ENTREP2: variants seen among roughly 807,000 people sequenced by gnomAD.
The protein encoded by ENTREP2 is endosomal transmembrane epsin interactor 2, also known as protein ENTREP2.
chr15:29,474,770 G>A, the ENTREP2 span, among the ~76,000 whole-genome samples: 20 of 152,140 alleles, frequency 1.3e-4, no homozygotes, highest in African/African-American at 4.8e-4. Flanking sequence ...GGCCAGGCTG[G>A]TCTCGAACTC....
the ENTREP2 span, among the ~76,000 whole-genome samples, chr15:29,566,303 C>G: frequency 6.6e-6 from 1 of 151,612 alleles, no homozygotes; most frequent in South Asian, 2.1e-4. Flanking sequence ...GAACTACAGG[C>G]ACCTGCCACC....
the ENTREP2 span, among the ~76,000 whole-genome samples, chr15:29,587,373 C>T: frequency 6.6e-6 from 1 of 151,914 alleles, no homozygotes; most frequent in Non-Finnish European, 1.5e-5. Flanking sequence ...TATACTAGAG[C>T]GATGACAAAA....
chr15:29,549,628 G>A, the ENTREP2 span, among the ~76,000 whole-genome samples: 1 of 152,108 alleles, frequency 6.6e-6, no homozygotes, highest in Non-Finnish European at 1.5e-5. Context: ...GCTGTTGTTG[G>A]GGCAAAACTT....
the ENTREP2 span, among the ~76,000 whole-genome samples, chr15:29,581,360 A>G: frequency 2.6e-5 from 4 of 152,326 alleles, no homozygotes; most frequent in South Asian, 2.1e-4. Context: ...AGAGCATACC[A>G]GAAAGACATA....
chr15:29,583,383 G>GC, the ENTREP2 span, among the ~76,000 whole-genome samples: 1 of 152,128 alleles, frequency 6.6e-6, no homozygotes, highest in Admixed American at 6.6e-5. Flanking sequence ...GCAAACTAAT[G>GC]CAAGAACAGA....
chr15:29,639,628 A>C, the ENTREP2 span, among the ~76,000 whole-genome samples: 1 of 152,160 alleles, frequency 6.6e-6, no homozygotes, highest in East Asian at 1.9e-4. Flanking sequence ...TTCCACAGTA[A>C]GACACTGTGA....
the ENTREP2 span, among the ~76,000 whole-genome samples, chr15:29,466,889 C>T: frequency 7.9e-6 from 1 of 126,454 alleles, no homozygotes; most frequent in African/African-American, 3.0e-5. Context: ...GGGAAGGGCC[C>T]AGGGGAAGAT....
chr15:29,545,899 C>G, the ENTREP2 span, among the ~76,000 whole-genome samples: 1 of 152,172 alleles, frequency 6.6e-6, no homozygotes, highest in South Asian at 2.1e-4. Context: ...ATGTCATTGA[C>G]TATGCTTAGC....
chr15:29,648,710 G>A, the ENTREP2 span, among the ~76,000 whole-genome samples: 2 of 152,286 alleles, frequency 1.3e-5, 1 homozygote, highest in South Asian at 4.1e-4. Context: ...GGCTGAGGCA[G>A]GCAGATCACC....
chr15:29,318,130 G>C, the ENTREP2 span, among the ~76,000 whole-genome samples: 12 of 152,168 alleles, frequency 7.9e-5, no homozygotes, highest in African/African-American at 2.4e-4. Flanking sequence ...CAGGCAGGCC[G>C]TGTTTTATTG....
chr15:29,573,741 C>A, the ENTREP2 span, among the ~76,000 whole-genome samples: 2 of 151,576 alleles, frequency 1.3e-5, no homozygotes, highest in Non-Finnish European at 1.5e-5. Flanking sequence ...ATAAAGTCAG[C>A]TAAACAACCG....
At chr15:29,530,054 C>A in the ENTREP2 span, among the ~76,000 whole-genome samples, 1 of 152,114 alleles carries the variant, frequency 6.6e-6, no homozygotes, top group African/African-American at 2.4e-5. Context: ...AGCCCAGGGC[C>A]CCTCGTGCTT....
the ENTREP2 span, among the ~76,000 whole-genome samples, chr15:29,622,449 C>T: frequency 1.3e-5 from 2 of 152,122 alleles, no homozygotes; most frequent in Non-Finnish European, 2.9e-5. Context: ...CTCAAGTGAC[C>T]TGCTGGCCTC....
At chr15:29,643,795 A>AAG in the ENTREP2 span, among the ~76,000 whole-genome samples, 22 of 148,152 alleles carry the variant, frequency 1.5e-4, no homozygotes, top group African/African-American at 5.7e-4. Flanking sequence ...AAAAAAAAAA[A>AAG]AAAGAAAGAA....
chr15:29,657,484 G>GT, the ENTREP2 span, among the ~76,000 whole-genome samples: 2 of 12,140 alleles, frequency 1.6e-4, no homozygotes, highest in Non-Finnish European at 3.7e-4. Flanking sequence ...CTGGGGGGGC[G>GT]GGGGGGGGGG....
At chr15:29,466,341 C>T in the ENTREP2 span, among the ~76,000 whole-genome samples, 1 of 152,174 alleles carries the variant, frequency 6.6e-6, no homozygotes. Context: ...GCAGGAAAGA[C>T]AGAAAAGAGA....
At chr15:29,360,876 G>C in the ENTREP2 span, among the ~76,000 whole-genome samples, 2 of 152,216 alleles carry the variant, frequency 1.3e-5, no homozygotes, top group African/African-American at 4.8e-5. Flanking sequence ...AGGCTGAGCC[G>C]CCTTGGGGCA....
chr15:29,614,666 A>G, the ENTREP2 span, among the ~76,000 whole-genome samples: 1 of 152,164 alleles, frequency 6.6e-6, no homozygotes, highest in African/African-American at 2.4e-5. Context: ...TTCAGATCCC[A>G]TTTAGAACCA....
chr15:29,332,466 A>G, the ENTREP2 span, among the ~76,000 whole-genome samples: 3 of 152,202 alleles, frequency 2.0e-5, no homozygotes, highest in African/African-American at 7.2e-5. Context: ...CATTTCGCTA[A>G]AAAGCTTTGA....
Sources: allele counts gnomAD v4.1 joint callset (sites outside exome capture counted in the v4.1 genomes callset), GRCh38; gene constraint gnomAD v4.1.1; transcripts MANE v1.5; gene names NCBI Gene and HGNC (gene_info 2026-07-23, HGNC 2026-07-21).